ANO4: variants seen among roughly 807,000 people sequenced by gnomAD.
ANO4 encodes the protein anoctamin 4.
In ANO4, 69 loss-of-function variants were observed where a neutral mutation model predicts 141.9. That is an observed-to-expected ratio of 0.49 (90% CI 0.40 to 0.59). The LOEUF is 0.59. Among genes scored for constraint, ANO4 ranks in the 20% least tolerant of loss-of-function variants. The pLI is 0.00. For synonymous variants in ANO4, 350 were observed against 394.3 expected (o/e 0.89, Z 1.33); for missense variants, 894 against 1,162.2 (o/e 0.77, Z 3.36).
intron 5 of ANO4, among the ~76,000 whole-genome samples, chr12:100,968,587 TA>T (rs992605239): frequency 6.6e-6 from 1 of 152,198 alleles, no homozygotes; most frequent in African/African-American, 2.4e-5. Context: ...TTATCATGAT[TA>T]AAATTTCCAA....
At chr12:100,779,485 G>A (rs2033644803) in intron 3 of ANO4, among the ~76,000 whole-genome samples, 1 of 152,172 alleles carries the variant, frequency 6.6e-6, no homozygotes, top group Admixed American at 6.5e-5. Flanking sequence ...TATTCTTATT[G>A]ATTCTACCAT....
chr12:100,802,865 G>C (rs2034779944), intron 1 of ANO4, among the ~76,000 whole-genome samples: 1 of 152,074 alleles, frequency 6.6e-6, no homozygotes, highest in African/African-American at 2.4e-5. Flanking sequence ...TATGCATTAT[G>C]GTTAGGTTAT....
intron 1 of ANO4, among the ~76,000 whole-genome samples, chr12:100,847,955 A>G (rs964212617): frequency 6.6e-6 from 1 of 152,136 alleles, no homozygotes; most frequent in Non-Finnish European, 1.5e-5. Context: ...GCCAGTTGAG[A>G]TTGTATGTGC....
At chr12:100,767,267 T>C (rs1479343443) in intron 3 of ANO4, among the ~76,000 whole-genome samples, 1 of 152,242 alleles carries the variant, frequency 6.6e-6, no homozygotes, top group Admixed American at 6.5e-5. Context: ...TGTTTTGTAG[T>C]TTCTTTGTTC....
chr12:101,062,116 G>A (rs541528043), intron 14 of ANO4, among the ~76,000 whole-genome samples: 19 of 152,238 alleles, frequency 1.2e-4, no homozygotes, highest in South Asian at 6.2e-4. Context: ...CTGTTTGTTC[G>A]TTTTCCTTCT....
intron 1 of ANO4, among the ~76,000 whole-genome samples, chr12:100,718,244 C>T (rs2030704145): frequency 6.6e-6 from 1 of 152,142 alleles, no homozygotes; most frequent in South Asian, 2.1e-4. Flanking sequence ...AATCCTAGCG[C>T]GCTGGGGAAG....
intron 14 of ANO4, among the ~76,000 whole-genome samples, chr12:101,075,243 A>G (rs189876067): frequency 1.3e-5 from 2 of 152,314 alleles, no homozygotes; most frequent in East Asian, 3.9e-4. Flanking sequence ...CATGTGTGAA[A>G]GTGTTAGTGA....
intron 1 of ANO4, among the ~76,000 whole-genome samples, chr12:100,834,433 C>G (rs2036795462): frequency 6.6e-6 from 1 of 152,100 alleles, no homozygotes; most frequent in South Asian, 2.1e-4. Flanking sequence ...CGTTCCCTAC[C>G]ATTTTTACCC....
intron 3 of ANO4, among the ~76,000 whole-genome samples, chr12:100,754,089 CA>C (rs2032506032): frequency 6.6e-6 from 1 of 152,186 alleles, no homozygotes; most frequent in East Asian, 1.9e-4. Flanking sequence ...TTTACTGGGC[CA>C]GGTTCTATGC....
At chr12:101,119,346 G>T (rs994600407) in intron 25 of ANO4, among the ~76,000 whole-genome samples, 3 of 152,084 alleles carry the variant, frequency 2.0e-5, no homozygotes, top group African/African-American at 7.2e-5. Flanking sequence ...TGTAGTCCCA[G>T]CTACTTGGGA....
At chr12:100,988,608 C>A (rs1223523497) in intron 8 of ANO4, among the ~76,000 whole-genome samples, 1 of 144,770 alleles carries the variant, frequency 6.9e-6, no homozygotes, top group East Asian at 2.1e-4. Flanking sequence ...TGCTGTGGCT[C>A]ACATCTGTAA....
chr12:101,088,413 C>T (rs2049596163), intron 17 of ANO4, among the ~76,000 whole-genome samples: 1 of 151,976 alleles, frequency 6.6e-6, no homozygotes, highest in South Asian at 2.1e-4. Flanking sequence ...TTTTCTATAG[C>T]ATTTATCACC....
intron 3 of ANO4, among the ~76,000 whole-genome samples, chr12:100,778,388 A>G (rs2033603542): frequency 1.3e-5 from 2 of 152,216 alleles, no homozygotes; most frequent in Admixed American, 1.3e-4. Context: ...AGACAAGTAT[A>G]ATTTAATTAA....
chr12:100,946,690 A>G (rs1231384733), intron 5 of ANO4, among the ~76,000 whole-genome samples: 2 of 152,204 alleles, frequency 1.3e-5, no homozygotes, highest in African/African-American at 4.8e-5. Flanking sequence ...TCTGGGATTC[A>G]AGGAGAGATC....
chr12:100,845,525 C>T (rs2037510939), intron 1 of ANO4, among the ~76,000 whole-genome samples: 1 of 152,134 alleles, frequency 6.6e-6, no homozygotes. Flanking sequence ...ATTTTAGTAA[C>T]ATGAGCCAAT....
chr12:100,815,437 T>A (rs2035679217), intron 1 of ANO4, among the ~76,000 whole-genome samples: 1 of 152,180 alleles, frequency 6.6e-6, no homozygotes, highest in Non-Finnish European at 1.5e-5. Flanking sequence ...AGACAACATC[T>A]ATGATCTAGC....
intron 1 of ANO4, among the ~76,000 whole-genome samples, chr12:100,883,735 T>A (rs2039684392): frequency 6.6e-6 from 1 of 152,196 alleles, no homozygotes; most frequent in Non-Finnish European, 1.5e-5. Context: ...AATTTGACTT[T>A]AAGGACAGAC....
intron 20 of ANO4, 54 bp downstream of exon 20, chr12:101,097,762 T>G: frequency 6.2e-7 from 1 of 1,607,958 alleles, no homozygotes; most frequent in Non-Finnish European, 8.5e-7. Flanking sequence ...TAAACAGCCT[T>G]AGGGCAACTT....
intron 14 of ANO4, among the ~76,000 whole-genome samples, chr12:101,054,486 T>C (rs750277616): frequency 1.3e-5 from 2 of 152,178 alleles, no homozygotes; most frequent in South Asian, 2.1e-4. Context: ...ACCATAATGA[T>C]GATATATAAG....
Sources: gnomAD v4.1 joint callset for allele counts (sites outside exome capture counted in the v4.1 genomes callset) on GRCh38, gnomAD v4.1.1 for gene constraint, MANE v1.5 for transcripts, NCBI Gene and HGNC (gene_info 2026-07-23, HGNC 2026-07-21) for gene names.